MTMR10: variants seen among roughly 807,000 people sequenced by gnomAD.
The protein encoded by MTMR10 is myotubularin related protein 10.
MTMR10 carries 56 observed loss-of-function variants against 88.1 expected under a neutral mutation model. The observed-to-expected ratio is 0.64, with a 90% CI of 0.51 to 0.79. MTMR10 has a LOEUF of 0.79. MTMR10 is among the 30% of genes least tolerant of loss of function. The pLI is 0.00. For missense variants in MTMR10, 883 were observed against 924.7 expected (o/e 0.95, Z 0.58); for synonymous variants, 380 against 340.9 (o/e 1.11, Z -1.26).
chr15:30,988,134 C>T (rs572018596), intron 2 of MTMR10, among the ~76,000 whole-genome samples: 36 of 152,198 alleles, frequency 2.4e-4, no homozygotes, highest in Non-Finnish European at 5.9e-5. Flanking sequence ...AGGCTACAGG[C>T]CAACAAAGAG....
the MTMR10 span, among the ~76,000 whole-genome samples, chr15:30,932,822 C>T: frequency 1.3e-5 from 2 of 150,088 alleles, no homozygotes; most frequent in African/African-American, 4.9e-5. Context: ...AAGTGATTCT[C>T]GTGCCTCAGC....
chr15:30,929,889 CATATATAATATATAAA>C, the MTMR10 span, among the ~76,000 whole-genome samples: 460 of 68,822 alleles, frequency 6.7e-3, 50 homozygotes, highest in African/African-American at 0.027. Flanking sequence ...TAATATATAT[CATATATAATATATAAA>C]ATATATAATA....
chr15:30,954,695 T>C, intron 10 of MTMR10, 68 bp downstream of exon 10: 3 of 1,390,064 alleles, frequency 2.2e-6, no homozygotes, highest in Non-Finnish European at 2.9e-6. Flanking sequence ...AGAACATCAC[T>C]TTTCCTGACA....
chr15:30,974,072 CG>C (rs2029919482), intron 5 of MTMR10, among the ~76,000 whole-genome samples: 1 of 152,142 alleles, frequency 6.6e-6, no homozygotes, highest in Admixed American at 6.6e-5. Context: ...CTAATTTCCA[CG>C]TAAGAGTCTT....
At position 30,958,845 on chromosome 15, in the gene MTMR10, T is replaced by A. The variant is rs376775201; in HGVS notation, c.935+18A>T. 2.5e-6 allele frequency: 4 copies of A among 1,611,226 alleles called. No homozygotes were observed. The highest frequency in any genetic ancestry group is 3.4e-6 in the Non-Finnish European group (4 of 1,177,372). On this transcript the variant is annotated intron_variant, in intron 9 of 15. Coordinates refer to ENST00000435680, the MANE Select transcript of MTMR10 (RefSeq NM_017762.3). Reference sequence around the variant, plus strand: ...CAAGTAAAACTATCTAAAGTGACAATGACCATTTCTCAATTACCTCTGGTC... The same window carrying A: ...CAAGTAAAACTATCTAAAGTGACAAAGACCATTTCTCAATTACCTCTGGTC...
Position 30,991,394 on chromosome 15 carries a change from G to C in MTMR10, c.60+53C>G. 1.7e-5 allele frequency: 24 copies of C among 1,411,706 alleles called. No homozygotes were observed. In the South Asian group the frequency reaches 3.5e-4, roughly 20 times the overall value. 87.4% of individuals were successfully genotyped at this position (1,411,706 alleles called of 1,614,324 possible). A position where few individuals can be genotyped will look rare whatever the true frequency, so the allele number is the denominator to read the frequency against. On this transcript the variant is annotated intron_variant, in intron 1 of 15. Transcript: ENST00000435680. ...CCAGTTCCCGGGGGTCGGCCTGGAG[G>C]CTCCACGGAAGCGCAGAGGAGAGTC...
intron 7 of MTMR10, 81 bp downstream of exon 7, chr15:30,960,800 C>A: frequency 7.3e-7 from 1 of 1,361,102 alleles, no homozygotes; most frequent in South Asian, 2.2e-5. Flanking sequence ...ACTTGAAAGT[C>A]ATCAATGACA....
intron 2 of MTMR10, among the ~76,000 whole-genome samples, chr15:30,979,438 C>T (rs755075325): frequency 6.6e-6 from 1 of 151,200 alleles, no homozygotes; most frequent in Non-Finnish European, 1.5e-5. Context: ...GTGCGCCAGG[C>T]GTGGTGGTGC....
At position 30,953,570 on chromosome 15, in the gene MTMR10, T is replaced by C; in HGVS notation, c.1128A>G (p.Glu376=). ...AGTAAAGAAGTACAAACCTTACATA[T>C]TCTAACCATCGAGTATTTTCCAGTG... The part of the protein sequence containing the change: ...LSSLENTRWL[E]YVRAFLKHSA... Residue 376 remains glutamate (E), a synonymous_variant, in exon 11 of 16, where the codon GAA becomes GAG. Coordinates refer to ENST00000435680, the MANE Select transcript of MTMR10 (RefSeq NM_017762.3). 1 of 1,543,548 alleles carries C rather than the reference T, an allele frequency of 6.5e-7. No individual in the cohort carries two copies. Among genetic ancestry groups the C allele is most frequent in the Non-Finnish European group, 8.8e-7 (1 of 1,139,800 alleles).
chr15:30,940,641 G>T lies in MTMR10; in HGVS notation c.*829C>A. ...TCCTGTCTACAGCATACACCTCTGTGGAATCAGCACCCCAGAGGCCACTCC... is the reference window on the plus strand; with the variant it reads ...TCCTGTCTACAGCATACACCTCTGTTGAATCAGCACCCCAGAGGCCACTCC... On this transcript the variant is annotated 3_prime_UTR_variant, in exon 16 of 16. Coordinates refer to ENST00000435680, the MANE Select transcript of MTMR10 (RefSeq NM_017762.3). 3 of 986,140 alleles carry T rather than the reference G, an allele frequency of 3.0e-6. No homozygotes were observed. Among genetic ancestry groups the T allele is most frequent in the Non-Finnish European group, 3.6e-6 (3 of 830,558 alleles). The allele number at this position is 986,140 out of a possible 1,614,324, so 61.1% of individuals were successfully genotyped here.
chr15:30,938,346 C>T (rs2062926183), downstream of MTMR10, among the ~76,000 whole-genome samples: 1 of 152,088 alleles, frequency 6.6e-6, no homozygotes, highest in Admixed American at 6.5e-5. Context: ...AGTTGAAATT[C>T]CAATTTCTTT....
the MTMR10 span, chr15:30,928,703 C>G: frequency 6.2e-7 from 1 of 1,611,258 alleles, no homozygotes; most frequent in Non-Finnish European, 8.5e-7. Flanking sequence ...TGCACACATC[C>G]GTGGCTCACG....
intron 6 of MTMR10, chr15:30,966,127 T>G: frequency 4.8e-6 from 2 of 416,724 alleles, no homozygotes; most frequent in Admixed American, 5.1e-5. Context: ...TATGAGGTAC[T>G]TGTCAAAGGA....
the MTMR10 span, among the ~76,000 whole-genome samples, chr15:30,919,520 G>A: frequency 5.9e-5 from 9 of 151,534 alleles, no homozygotes; most frequent in African/African-American, 1.9e-4. Context: ...GTGAAACCTC[G>A]TCTCTACTAA....
At chr15:30,974,869 C>A in intron 4 of MTMR10, 62 bp downstream of exon 4, 1 of 1,193,828 alleles carries the variant, frequency 8.4e-7, no homozygotes, top group Non-Finnish European at 1.1e-6. Flanking sequence ...AGAGGTATGA[C>A]TTTTCAAATA....
At chr15:30,974,812 C>A in intron 4 of MTMR10, 119 bp downstream of exon 4, 1 of 662,620 alleles carries the variant, frequency 1.5e-6, no homozygotes, top group Non-Finnish European at 2.3e-6. Context: ...CTCAAAAAAA[C>A]GGCAAAAGTA....
At chr15:30,930,430 A>G in the MTMR10 span, 15 of 1,236,016 alleles carry the variant, frequency 1.2e-5, no homozygotes, top group East Asian at 5.3e-5. Context: ...CCTGGGGTCC[A>G]TGTGCACTGA....
chr15:30,928,367 C>CTGTAT, the MTMR10 span: 2 of 1,417,976 alleles, frequency 1.4e-6, no homozygotes, highest in African/African-American at 2.9e-5. Flanking sequence ...TGTATATAAA[C>CTGTAT]AACATACTGT....
the MTMR10 span, among the ~76,000 whole-genome samples, chr15:30,929,885 A>G: frequency 1.8e-4 from 16 of 88,084 alleles, 1 homozygote; most frequent in African/African-American, 6.4e-4. Flanking sequence ...TATATAATAT[A>G]TATCATATAT....
Sources: allele counts gnomAD v4.1 joint callset (sites outside exome capture counted in the v4.1 genomes callset), GRCh38; gene constraint gnomAD v4.1.1; transcripts MANE v1.5; gene names NCBI Gene and HGNC (gene_info 2026-07-23, HGNC 2026-07-21).